Variants in CRTAC1 observed in about 807,000 individuals in gnomAD.
CRTAC1 encodes cartilage acidic protein 1.
CRTAC1 carries 37 observed loss-of-function variants against 67.8 expected under a neutral mutation model. The observed-to-expected ratio is 0.55, with a 90% CI of 0.42 to 0.72. The LOEUF (loss-of-function observed/expected upper bound fraction) is 0.72, where lower values mean the gene tolerates loss of function less well. CRTAC1 is among the 30% of genes least tolerant of loss of function. CRTAC1 has a pLI of 0.00. For synonymous variants in CRTAC1, 348 were observed against 371.0 expected (o/e 0.94, Z 0.71); for missense variants, 780 against 931.6 (o/e 0.84, Z 2.12).
At chr10:97,970,482 A>T (rs2051690141) in intron 2 of CRTAC1, among the ~76,000 whole-genome samples, 1 of 152,124 alleles carries the variant, frequency 6.6e-6, no homozygotes, top group Admixed American at 6.6e-5. Context: ...GGCTGCACTC[A>T]GTTCTTATTT....
chr10:97,913,627 A>C (rs909236255), intron 5 of CRTAC1, among the ~76,000 whole-genome samples: 1 of 152,228 alleles, frequency 6.6e-6, no homozygotes, highest in Admixed American at 6.5e-5. Context: ...CATCAAATGC[A>C]TCTGACACCC....
At chr10:98,022,800 C>T (rs1028345411) in intron 1 of CRTAC1, among the ~76,000 whole-genome samples, 1 of 152,034 alleles carries the variant, frequency 6.6e-6, no homozygotes, top group Non-Finnish European at 1.5e-5. Context: ...TTTTAGACTT[C>T]AGGCAGCAGT....
chr10:97,959,648 C>T (rs555937616), intron 2 of CRTAC1, among the ~76,000 whole-genome samples: 44 of 152,316 alleles, frequency 2.9e-4, no homozygotes, highest in Admixed American at 2.2e-3. Flanking sequence ...CCCTGCCACT[C>T]GGCCATGTGG....
intron 11 of CRTAC1, among the ~76,000 whole-genome samples, chr10:97,888,037 A>AAT (rs2050312271): frequency 6.6e-6 from 1 of 152,228 alleles, no homozygotes; most frequent in Non-Finnish European, 1.5e-5. Context: ...AGATGCAGTG[A>AAT]ATCGCCCAGT....
At chr10:97,901,082 C>G (rs1302179517) in intron 8 of CRTAC1, among the ~76,000 whole-genome samples, 41 of 117,906 alleles carry the variant, frequency 3.5e-4, no homozygotes, top group African/African-American at 1.4e-3. Context: ...AGTGATTGGA[C>G]CCCGTAGCCC....
chr10:97,894,163 T>A (rs1213442394), intron 11 of CRTAC1, among the ~76,000 whole-genome samples: 2 of 152,194 alleles, frequency 1.3e-5, no homozygotes, highest in Non-Finnish European at 2.9e-5. Context: ...GTTTGTTTTG[T>A]TTTCTTAAAA....
Position 97,995,450 on chromosome 10 carries a change from G to A in CRTAC1, c.224+15688C>T, listed in dbSNP as rs1307530213. 4.6e-5 allele frequency among the ~76,000 whole-genome samples: 7 copies of A among 152,062 alleles called. No individual in the cohort carries two copies. In the South Asian group the frequency reaches 8.3e-4, roughly 18 times the overall value. On this transcript the variant is annotated intron_variant, in intron 2 of 14. Coordinates refer to ENST00000370597, the MANE Select transcript of CRTAC1 (RefSeq NM_018058.7). ...TAAATCCTACTTCCTTTAGTTTCAC[G>A]TACCCTCCAATGTCTTCTTGGTGAT... is the stretch of plus-strand genomic sequence containing the variant.
At chr10:97,925,394 G>A (rs1292336977) in intron 3 of CRTAC1, among the ~76,000 whole-genome samples, 1 of 152,088 alleles carries the variant, frequency 6.6e-6, no homozygotes, top group Non-Finnish European at 1.5e-5. Flanking sequence ...GCATGAGAGT[G>A]GGTGTGTGAG....
In CRTAC1 at chr10:97,928,044, C is replaced by T. The variant is rs180959010; in HGVS notation, c.422-4644G>A. On this transcript the variant is annotated intron_variant, in intron 3 of 14. Coordinates refer to ENST00000370597, the MANE Select transcript of CRTAC1 (RefSeq NM_018058.7). The stretch of plus-strand genomic sequence containing the variant: ...GGAGAGAGGTATTCTCTTGAGTCCC[C>T]TGGGGAAAGACACTGAGAAGGTAGA... Among the ~76,000 whole-genome samples the T allele has an allele frequency of 2.4e-3, 364 of 152,300 alleles. 2 individuals are homozygous for T. The highest frequency in any genetic ancestry group is 8.4e-3 in the African/African-American group (348 of 41,574).
chr10:97,963,548 G>A (rs1393170990), intron 2 of CRTAC1, among the ~76,000 whole-genome samples: 1 of 152,170 alleles, frequency 6.6e-6, no homozygotes, highest in Non-Finnish European at 1.5e-5. Flanking sequence ...GCCTGGCACA[G>A]CCCAGCACAT....
At chr10:97,980,925 G>A (rs557614623) in intron 2 of CRTAC1, among the ~76,000 whole-genome samples, 126 of 152,302 alleles carry the variant, frequency 8.3e-4, no homozygotes, top group African/African-American at 2.8e-3. Context: ...AACCTTCTCA[G>A]TTAAGACAAT....
Position 98,030,530 on chromosome 10 carries a change from T to C in CRTAC1, c.-58A>G. 1 of 1,195,282 alleles carries C rather than the reference T, an allele frequency of 8.4e-7. No homozygotes were observed. Among genetic ancestry groups the C allele is most frequent in the South Asian group, 4.4e-5 (1 of 22,846 alleles). 74.0% of individuals were successfully genotyped at this position (1,195,282 alleles called of 1,614,324 possible). Reference sequence around the variant, plus strand: ...TGGGAAGCGGGCGCTCGCTGCCGCCTCTGCCGCCGGCGCCGCCGCCTGCTT... The same window carrying C: ...TGGGAAGCGGGCGCTCGCTGCCGCCCCTGCCGCCGGCGCCGCCGCCTGCTT... On this transcript the variant is annotated 5_prime_UTR_variant, in exon 1 of 15. Transcript: ENST00000370597. The surrounding 1 kb of genome is among the most constrained non-coding windows in gnomAD (Gnocchi z 4.2).
chr10:98,008,789 T>G (rs963547815), intron 2 of CRTAC1, among the ~76,000 whole-genome samples: 2 of 152,054 alleles, frequency 1.3e-5, no homozygotes, highest in South Asian at 4.1e-4. Context: ...AGTAGCAACT[T>G]GGGGGGCGAG....
intron 2 of CRTAC1, among the ~76,000 whole-genome samples, chr10:97,998,943 T>C (rs1251553916): frequency 1.3e-5 from 2 of 151,804 alleles, no homozygotes; most frequent in Non-Finnish European, 2.9e-5. Context: ...AGTAAACCTC[T>C]AAAAAAACAA....
chr10:97,907,251 GAGGA>G (rs2050625420), intron 6 of CRTAC1, among the ~76,000 whole-genome samples: 1 of 152,240 alleles, frequency 6.6e-6, no homozygotes, highest in Non-Finnish European at 1.5e-5. Context: ...GCAGCAGGAG[GAGGA>G]AGGACCAGTT....
In CRTAC1 at chr10:97,895,990, A is replaced by G. The variant is rs2136557767; in HGVS notation, c.1217-5T>C. The G allele has an allele frequency of 3.7e-6, 6 of 1,613,206 alleles. No individual in the cohort carries two copies. The highest frequency in any genetic ancestry group is 5.1e-6 in the Non-Finnish European group (6 of 1,179,184). On this transcript the variant is annotated splice_polypyrimidine_tract_variant and splice_region_variant and intron_variant, in intron 9 of 14. Transcript: ENST00000370597. This position sits in a 1 kb window ranked among gnomAD's most constrained non-coding sequence, Gnocchi z 4.2. ...CGAAGTCGGTCACCACACCCCCTAC[A>G]AACAATGCAGATTTCACCTCTGGCC...
At chr10:97,906,129 C>G (rs7913685) in intron 6 of CRTAC1, among the ~76,000 whole-genome samples, 12,561 of 152,134 alleles carry the variant, frequency 0.083, 582 homozygotes, top group South Asian at 0.13. Context: ...CCCCTGAGAA[C>G]CCTGGAGGCT....
At chr10:97,950,336 G>C (rs115171029) in intron 2 of CRTAC1, among the ~76,000 whole-genome samples, 1,656 of 152,112 alleles carry the variant, frequency 0.011, 38 homozygotes, top group African/African-American at 0.037. Flanking sequence ...GCCCTGGGGA[G>C]CCCTAGGTCT....
At chr10:97,870,869 C>G (rs900811618) in intron 14 of CRTAC1, 17 of 152,206 alleles carry the variant, frequency 1.1e-4, no homozygotes, top group Middle Eastern at 3.4e-3. Flanking sequence ...AACCTCGACC[C>G]GACTGCATTC....
Sources: gnomAD v4.1 joint callset for allele counts (sites outside exome capture counted in the v4.1 genomes callset) on GRCh38, gnomAD v4.1.1 for gene constraint, Gnocchi (gnomAD v3.1) non-coding constraint, MANE v1.5 for transcripts, NCBI Gene and HGNC (gene_info 2026-07-23, HGNC 2026-07-21) for gene names.